The following PPIL4 variants were observed in gnomAD, a reference collection of about 807,000 sequenced individuals.
The protein encoded by PPIL4 is peptidyl-prolyl cis-trans isomerase-like 4.
Under a neutral mutation model 69.1 loss-of-function variants are expected in PPIL4, and 50 were observed. The ratio of observed to expected loss-of-function variants is 0.72; its 90% confidence interval spans 0.58 to 0.92. The LOEUF (loss-of-function observed/expected upper bound fraction) is 0.92, where lower values mean the gene tolerates loss of function less well. Among genes scored for constraint, PPIL4 ranks in the 40% least tolerant of loss-of-function variants. The pLI, the probability that PPIL4 is intolerant of heterozygous loss-of-function variation, is 0.00. For synonymous variants in PPIL4, 193 were observed against 191.6 expected, an observed-to-expected ratio of 1.01 and a Z score of -0.06; for missense variants, 480 against 587.9, an observed-to-expected ratio of 0.82 and a Z score of 1.90.
chr6:149,533,721 C>T lies in PPIL4; in HGVS notation c.562-147G>A, dbSNP rs1583210998. The stretch of plus-strand genomic sequence containing the variant: ...AGTGAGCTACAATCACACCACTGCA[C>T]TCCAGCTGGGTGACACAGTGAGATC... On this transcript the variant is annotated intron_variant, in intron 6 of 12. Coordinates refer to ENST00000253329, the MANE Select transcript of PPIL4 (RefSeq NM_139126.4). 1.1e-4 allele frequency: 52 copies of T among 478,636 alleles called. No individual in the cohort carries two copies. The East Asian group carries it at 1.7e-3, about 16-fold the overall frequency. 29.6% of individuals were successfully genotyped at this position (478,636 alleles called of 1,614,324 possible).
chr6:149,513,882 T>A (rs775427394), intron 11 of PPIL4, among the ~76,000 whole-genome samples: 24 of 152,208 alleles, frequency 1.6e-4, no homozygotes, highest in Non-Finnish European at 3.4e-4. Context: ...CTGAAAATAA[T>A]CTCAACCTCA....
At chr6:149,525,350 T>G in intron 8 of PPIL4, 141 bp from the exon 9 acceptor site, 1 of 523,916 alleles carries the variant, frequency 1.9e-6, no homozygotes, top group Non-Finnish European at 3.4e-6. Flanking sequence ...CAAATTCATT[T>G]AATAACAATT....
chr6:149,536,259 A>T (rs1414198552), intron 4 of PPIL4, among the ~76,000 whole-genome samples: 1 of 152,182 alleles, frequency 6.6e-6, no homozygotes, highest in African/African-American at 2.4e-5. Flanking sequence ...ATTCCCCGAG[A>T]CACAATACTG....
chr6:149,543,746 G>A (rs1443740433), intron 1 of PPIL4, among the ~76,000 whole-genome samples: 1 of 151,780 alleles, frequency 6.6e-6, no homozygotes, highest in Non-Finnish European at 1.5e-5. Context: ...ACATACTGAA[G>A]TAATTACAGA....
chr6:149,543,587 C>T (rs1372078239), intron 1 of PPIL4, among the ~76,000 whole-genome samples: 1 of 151,832 alleles, frequency 6.6e-6, no homozygotes, highest in Non-Finnish European at 1.5e-5. Flanking sequence ...TTTTTTTATT[C>T]TTTTTTACAA....
At chr6:149,533,973 C>G (rs1023623520) in intron 6 of PPIL4, among the ~76,000 whole-genome samples, 1 of 151,944 alleles carries the variant, frequency 6.6e-6, no homozygotes, top group African/African-American at 2.4e-5. Flanking sequence ...CTGGCCAACA[C>G]AGTGAAACCC....
At chr6:149,542,818 G>T (rs1190988780) in intron 1 of PPIL4, among the ~76,000 whole-genome samples, 1 of 152,158 alleles carries the variant, frequency 6.6e-6, no homozygotes, top group African/African-American at 2.4e-5. Flanking sequence ...CCTGGAAGTG[G>T]AAATTTAAAT....
chr6:149,505,638 T>G lies in PPIL4; in HGVS notation c.1294A>C (p.Ser432Arg). 1 of 1,614,138 alleles carries G rather than the reference T, an allele frequency of 6.2e-7. No homozygotes were observed. Among genetic ancestry groups the G allele is most frequent in the Non-Finnish European group, 8.5e-7 (1 of 1,179,996 alleles). ...TTCTGAGTTCGGTCTCTCTTTTCAC[T>G]CTTTTGTTTCTCCCAACAGCTTTCT... ...EEESCWEKQK[S>R]EKRDRTQNRS... The change falls in exon 13 of 13, where the codon AGT (serine) becomes CGT (arginine). Residue 432 changes from serine to arginine, a missense_variant. Transcript: ENST00000253329.
intron 11 of PPIL4, among the ~76,000 whole-genome samples, chr6:149,515,192 G>A (rs537633750): frequency 7.3e-5 from 10 of 136,752 alleles, no homozygotes; most frequent in Non-Finnish European, 1.4e-4. Context: ...TCGCTATATT[G>A]CCCTGGCTGC....
chr6:149,514,735 A>C (rs1236852855), intron 11 of PPIL4, among the ~76,000 whole-genome samples: 3 of 149,530 alleles, frequency 2.0e-5, no homozygotes, highest in Admixed American at 6.7e-5. Flanking sequence ...TATGCCTAAA[A>C]AAATTTTATT....
At chr6:149,517,539 T>C (rs1373902062) in intron 10 of PPIL4, 89 bp from the exon 11 acceptor site, 4 of 602,700 alleles carry the variant, frequency 6.6e-6, no homozygotes, top group Non-Finnish European at 8.5e-6. Flanking sequence ...TAAGAGCTAT[T>C]TTATAAATGG....
intron 10 of PPIL4, chr6:149,517,839 T>G (rs1372166857): frequency 6.0e-6 from 1 of 165,680 alleles, no homozygotes. Flanking sequence ...TAAGAGACCT[T>G]TTAAAGATCT....
chr6:149,526,840 C>T lies in PPIL4; in HGVS notation c.679-64G>A, dbSNP rs745812775. 28 of 1,440,200 alleles carry T rather than the reference C, an allele frequency of 1.9e-5. No homozygotes were observed. In the South Asian group the frequency reaches 2.1e-4, roughly 11 times the overall value. The allele number at this position is 1,440,200 out of a possible 1,614,324, so 89.2% of individuals were successfully genotyped here. On this transcript the variant is annotated intron_variant, in intron 7 of 12. Transcript: ENST00000253329. ...TTTAGTTTCCATTCTAAATCCTATC[C>T]AATCCCACAATGCTGATTTCCTTAA...
At chr6:149,516,425 C>T (rs1776945194) in intron 11 of PPIL4, among the ~76,000 whole-genome samples, 1 of 152,096 alleles carries the variant, frequency 6.6e-6, no homozygotes, top group Admixed American at 6.6e-5. Context: ...CCAGGTCAAC[C>T]TGATATTCAT....
chr6:149,525,983 C>G (rs1248063507), intron 8 of PPIL4, among the ~76,000 whole-genome samples: 1 of 152,096 alleles, frequency 6.6e-6, no homozygotes, highest in Non-Finnish European at 1.5e-5. Context: ...CCTGTAGTCC[C>G]AGCTACTCAG....
chr6:149,529,477 A>G (rs1052002375), intron 7 of PPIL4, among the ~76,000 whole-genome samples: 1 of 151,760 alleles, frequency 6.6e-6, no homozygotes, highest in Non-Finnish European at 1.5e-5. Flanking sequence ...AAAAATTAAA[A>G]AAAGGGCCGG....
At chr6:149,510,539 C>T (rs536832664) in intron 12 of PPIL4, among the ~76,000 whole-genome samples, 15 of 152,164 alleles carry the variant, frequency 9.9e-5, no homozygotes, top group Non-Finnish European at 2.1e-4. Context: ...GTCAGGAGTT[C>T]GAGACCAGCC....
intron 4 of PPIL4, among the ~76,000 whole-genome samples, chr6:149,536,838 G>GC (rs1777284107): frequency 6.6e-6 from 1 of 152,070 alleles, no homozygotes; most frequent in Non-Finnish European, 1.5e-5. Context: ...AGAAGCTACA[G>GC]CAAGTGGCCA....
intron 1 of PPIL4, among the ~76,000 whole-genome samples, chr6:149,543,313 C>T (rs557654537): frequency 3.3e-4 from 51 of 152,284 alleles, no homozygotes; most frequent in African/African-American, 1.2e-3. Context: ...TATGTTAACG[C>T]ACCCAGTAAA....
Sources: allele counts gnomAD v4.1 joint callset (sites outside exome capture counted in the v4.1 genomes callset), GRCh38; gene constraint gnomAD v4.1.1; transcripts MANE v1.5; gene names NCBI Gene and HGNC (gene_info 2026-07-23, HGNC 2026-07-21).